Variants in SRBD1 observed in about 807,000 individuals in gnomAD.
SRBD1 encodes the protein S1 RNA binding domain 1, also known as S1 RNA-binding domain-containing protein 1.
SRBD1 carries 88 observed loss-of-function variants against 115.3 expected under a neutral mutation model. The observed-to-expected ratio is 0.76, with a 90% CI of 0.64 to 0.91. The LOEUF (loss-of-function observed/expected upper bound fraction) is 0.91, where lower values mean the gene tolerates loss of function less well. Among genes scored for constraint, SRBD1 ranks in the 40% least tolerant of loss-of-function variants. The pLI is 0.00. For synonymous variants in SRBD1, 509 were observed against 407.7 expected, an observed-to-expected ratio of 1.25 and a Z score of -2.99; for missense variants, 1,385 against 1,177.4, an observed-to-expected ratio of 1.18 and a Z score of -2.58.
intron 19 of SRBD1, among the ~76,000 whole-genome samples, chr2:45,399,798 G>C (rs1442345793): frequency 2.6e-5 from 4 of 152,070 alleles, no homozygotes; most frequent in African/African-American, 9.7e-5. Context: ...GGTTTCAAAG[G>C]CTACAGACTC....
At chr2:45,431,063 G>C (rs1314197502) in intron 16 of SRBD1, among the ~76,000 whole-genome samples, 1 of 152,186 alleles carries the variant, frequency 6.6e-6, no homozygotes, top group Non-Finnish European at 1.5e-5. Flanking sequence ...GGTCATTAGA[G>C]AAACACAATC....
At position 45,460,474 on chromosome 2, in the gene SRBD1, T is replaced by C. The variant is rs542083128; in HGVS notation, c.2049+16519A>G. Among the ~76,000 whole-genome samples, 308 of 152,106 alleles carry C rather than the reference T, an allele frequency of 2.0e-3. 2 individuals are homozygous for C. The highest frequency in any genetic ancestry group is 7.2e-3 in the African/African-American group (300 of 41,480). On this transcript the variant is annotated intron_variant, in intron 16 of 20. Coordinates refer to ENST00000263736, the MANE Select transcript of SRBD1 (RefSeq NM_018079.5). ...GAAGGGAGTCGAGGAAACAGGCACA[T>C]AGCAAGCAGGCACAGAAGGAAATGC...
At chr2:45,574,962 G>A (rs1041087349) in intron 7 of SRBD1, among the ~76,000 whole-genome samples, 1 of 152,066 alleles carries the variant, frequency 6.6e-6, no homozygotes, top group African/African-American at 2.4e-5. Flanking sequence ...TGCATCTCTG[G>A]AGCCAGCTGC....
rs372778305 is a variant in SRBD1 at position 45,389,650 on chromosome 2, C to A, written c.2699-51G>T. The A allele has an allele frequency of 3.9e-6, 6 of 1,540,910 alleles. No homozygotes were observed. The African/African-American group carries it at 5.5e-5, about 14-fold the overall frequency. ...AATAAGGCATTGTACTTCCTAGATACAACATAACTTTGTGAATAAGTACTT... is the reference window on the plus strand; with the variant it reads ...AATAAGGCATTGTACTTCCTAGATAAAACATAACTTTGTGAATAAGTACTT... On this transcript the variant is annotated intron_variant, in intron 20 of 20. Transcript: ENST00000263736.
At chr2:45,437,983 A>G (rs776103516) in intron 16 of SRBD1, among the ~76,000 whole-genome samples, 1 of 152,178 alleles carries the variant, frequency 6.6e-6, no homozygotes, top group African/African-American at 2.4e-5. Flanking sequence ...GTCTAAACCC[A>G]TAATGTGTAA....
At chr2:45,514,204 T>C (rs1473520192) in intron 14 of SRBD1, among the ~76,000 whole-genome samples, 1 of 152,194 alleles carries the variant, frequency 6.6e-6, no homozygotes, top group Non-Finnish European at 1.5e-5. Flanking sequence ...TAAGAAAAAG[T>C]ACATTTGAAA....
intron 4 of SRBD1, among the ~76,000 whole-genome samples, chr2:45,592,799 A>T (rs1673765146): frequency 6.6e-6 from 1 of 152,194 alleles, no homozygotes; most frequent in African/African-American, 2.4e-5. Context: ...GTGGTCCCCA[A>T]ACCAGCAGCA....
At chr2:45,491,512 A>G (rs1670290853) in intron 14 of SRBD1, among the ~76,000 whole-genome samples, 1 of 152,116 alleles carries the variant, frequency 6.6e-6, no homozygotes, top group Non-Finnish European at 1.5e-5. Context: ...AGGCCCTTCA[A>G]ATTGCTATAG....
At position 45,599,814 on chromosome 2, in the gene SRBD1, C is replaced by T. The variant is rs767249337; in HGVS notation, c.283G>A (p.Asp95Asn). The T allele has an allele frequency of 1.9e-6, 3 of 1,612,844 alleles. No homozygotes were observed. In the Admixed American group the frequency reaches 5.0e-5, roughly 27 times the overall value. The change falls in exon 4 of 21, where the codon GAT becomes AAT. Residue 95 changes from aspartate to asparagine, a missense_variant. Transcript: ENST00000263736. ...EELNSSVAIA[D>N]TALEDRKNKL... ...TTTTTTCTGTCTTCTAAAGCAGTAT[C>T]AGCAATAGCCACAGAGCTATTCTAT...
At chr2:45,598,722 G>C (rs1673985937) in intron 4 of SRBD1, among the ~76,000 whole-genome samples, 2 of 152,246 alleles carry the variant, frequency 1.3e-5, no homozygotes, top group South Asian at 4.1e-4. Context: ...ATCCAGCAGA[G>C]GCCCTCAGCT....
chr2:45,431,988 A>G (rs890357752), intron 16 of SRBD1, among the ~76,000 whole-genome samples: 1 of 149,736 alleles, frequency 6.7e-6, no homozygotes, highest in Admixed American at 6.7e-5. Context: ...TTAGGAAAGT[A>G]CTAAAGAGTT....
intron 19 of SRBD1, among the ~76,000 whole-genome samples, chr2:45,400,414 A>G (rs1332685944): frequency 6.6e-6 from 1 of 152,110 alleles, no homozygotes; most frequent in Non-Finnish European, 1.5e-5. Context: ...CAACTTTATG[A>G]TTGGCCAGCA....
At chr2:45,556,538 T>C (rs1043201422) in intron 10 of SRBD1, among the ~76,000 whole-genome samples, 39 of 143,910 alleles carry the variant, frequency 2.7e-4, no homozygotes, top group African/African-American at 9.5e-4. Context: ...TCTTGGCTCA[T>C]TGCAACCTCC....
At chr2:45,509,164 C>A (rs1002397718) in intron 14 of SRBD1, among the ~76,000 whole-genome samples, 1 of 152,126 alleles carries the variant, frequency 6.6e-6, no homozygotes, top group Admixed American at 6.5e-5. Flanking sequence ...AATCATCTAC[C>A]TACCCTAATC....
intron 16 of SRBD1, chr2:45,447,449 A>C (rs1668860197): frequency 2.4e-5 from 1 of 41,388 alleles, no homozygotes; most frequent in Admixed American, 2.1e-4. Flanking sequence ...TCTATCTCAA[A>C]AACAAAAAAA....
intron 4 of SRBD1, among the ~76,000 whole-genome samples, chr2:45,592,023 C>A (rs371760947): frequency 2.8e-3 from 424 of 152,128 alleles, no homozygotes; most frequent in African/African-American, 9.6e-3. Context: ...ATCATGGGGG[C>A]CAGTCTCTCC....
intron 14 of SRBD1, among the ~76,000 whole-genome samples, chr2:45,532,948 A>T (rs1657012115): frequency 6.6e-6 from 1 of 152,114 alleles, no homozygotes; most frequent in South Asian, 2.1e-4. Flanking sequence ...AGTAATTTTG[A>T]ATTCAACTAA....
At chr2:45,424,394 A>G (rs368630806) in intron 16 of SRBD1, among the ~76,000 whole-genome samples, 1 of 152,126 alleles carries the variant, frequency 6.6e-6, no homozygotes, top group Admixed American at 6.5e-5. Flanking sequence ...TTGTGTAAAA[A>G]GGTATTTTTA....
chr2:45,419,847 T>C lies in SRBD1; in HGVS notation c.2097A>G (p.Val699=), dbSNP rs1368794833. The change falls in exon 17 of 21, where the codon GTA becomes GTG. Residue 699 remains valine (V), a synonymous_variant. Transcript: ENST00000263736. ...TLLKATLDSV[V]EECVSFVGVD... ...CTCCCACAAAGCTGACACATTCTTC[T>C]ACAACACTGTCCAGTGTTGCCTTGA... 1 of 1,613,810 alleles carries C rather than the reference T, an allele frequency of 6.2e-7. No individual in the cohort carries two copies. Among genetic ancestry groups the C allele is most frequent in the South Asian group, 1.1e-5 (1 of 91,082 alleles).
Sources: allele counts gnomAD v4.1 joint callset (sites outside exome capture counted in the v4.1 genomes callset), GRCh38; gene constraint gnomAD v4.1.1; transcripts MANE v1.5; gene names NCBI Gene and HGNC (gene_info 2026-07-23, HGNC 2026-07-21).